Variants in COL25A1 observed in about 807,000 individuals in gnomAD.
COL25A1 encodes the protein collagen type XXV alpha 1 chain, also known as collagen alpha-1(XXV) chain.
Under a neutral mutation model 128.4 loss-of-function variants are expected in COL25A1, and 103 were observed. That is an observed-to-expected ratio of 0.80 (90% CI 0.68 to 0.94). The LOEUF (loss-of-function observed/expected upper bound fraction) is 0.94, where lower values mean the gene tolerates loss of function less well. Among genes scored for constraint, COL25A1 ranks in the 40% least tolerant of loss-of-function variants. The probability of loss-of-function intolerance (pLI) is 0.00; values close to 1 mark genes in which losing one functional copy is unlikely to be tolerated. For synonymous variants in COL25A1, 279 were observed against 277.2 expected, an observed-to-expected ratio of 1.01 and a Z score of -0.06; for missense variants, 745 against 840.0, an observed-to-expected ratio of 0.89 and a Z score of 1.40.
chr4:108,817,038 T>C (rs1266339988), intron 37 of COL25A1, among the ~76,000 whole-genome samples: 2 of 152,210 alleles, frequency 1.3e-5, no homozygotes, highest in African/African-American at 4.8e-5. Context: ...CCATGTATTA[T>C]CATGTTTGTC....
At chr4:108,898,906 G>A (rs1742468157) in intron 15 of COL25A1, among the ~76,000 whole-genome samples, 1 of 151,768 alleles carries the variant, frequency 6.6e-6, no homozygotes, top group Non-Finnish European at 1.5e-5. Flanking sequence ...CCAAATTTTT[G>A]TCTATACATA....
At chr4:108,962,899 T>C (rs573267088) in intron 8 of COL25A1, among the ~76,000 whole-genome samples, 9 of 152,308 alleles carry the variant, frequency 5.9e-5, no homozygotes, top group African/African-American at 1.9e-4. Flanking sequence ...CACTGTAGAA[T>C]TACATTTGAA....
intron 8 of COL25A1, among the ~76,000 whole-genome samples, chr4:108,967,240 T>A (rs921379911): frequency 1.3e-5 from 2 of 152,242 alleles, no homozygotes; most frequent in African/African-American, 4.8e-5. Flanking sequence ...TTTTAGGAAC[T>A]CAATTAAAGT....
At chr4:109,002,263 G>A (rs547306978) in intron 6 of COL25A1, among the ~76,000 whole-genome samples, 11 of 152,282 alleles carry the variant, frequency 7.2e-5, no homozygotes, top group African/African-American at 1.9e-4. Context: ...CTGCATGCAC[G>A]TGTTCATTGC....
rs1560988542 is a variant in COL25A1, at chr4:109,290,636, C to CT, written c.367+9946dup. On this transcript the variant is annotated intron_variant, in intron 3 of 37. Transcript: ENST00000399132. Reference sequence around the variant, plus strand: ...AAATACAGTTTGTTTAGTTAAGTCTCTTTTTTTGTAGTTTATAATAGCTTT... The same window carrying CT: ...AAATACAGTTTGTTTAGTTAAGTCTCTTTTTTTTGTAGTTTATAATAGCTTT... Among the ~76,000 whole-genome samples the CT allele has an allele frequency of 2.6e-5, 4 of 152,118 alleles. No individual in the cohort carries two copies. In the South Asian group the frequency reaches 8.3e-4, roughly 32 times the overall value.
At chr4:108,968,255 T>C (rs17039595) in intron 8 of COL25A1, among the ~76,000 whole-genome samples, 5,030 of 152,260 alleles carry the variant, frequency 0.033, 128 homozygotes, top group Middle Eastern at 0.065. Flanking sequence ...GCCGAAAAGT[T>C]AGCCCACTTT....
At chr4:109,152,303 C>T (rs549276403) in intron 3 of COL25A1, among the ~76,000 whole-genome samples, 1 of 152,240 alleles carries the variant, frequency 6.6e-6, no homozygotes, top group African/African-American at 2.4e-5. Flanking sequence ...TACTTGAATT[C>T]TGATGGGTTT....
rs552082701 is a variant in COL25A1, at chr4:108,926,404, A to T, written c.709-5800T>A. On this transcript the variant is annotated intron_variant, in intron 11 of 37. Transcript: ENST00000399132. ...CAAAAAAGAGGTGGTCCATCTGTGA[A>T]GGGGAGGATAAAAGCCCAAAACTAT... is the stretch of plus-strand genomic sequence containing the variant. Among the ~76,000 whole-genome samples the T allele has an allele frequency of 2.6e-4, 40 of 152,306 alleles. No homozygotes were observed. In the South Asian group the frequency reaches 8.3e-3, roughly 32 times the overall value.
chr4:109,202,019 T>C (rs1776593888), intron 3 of COL25A1, among the ~76,000 whole-genome samples: 1 of 152,068 alleles, frequency 6.6e-6, no homozygotes, highest in Non-Finnish European at 1.5e-5. Context: ...AACAGAAAAC[T>C]CAATATCCTT....
intron 8 of COL25A1, among the ~76,000 whole-genome samples, chr4:108,970,708 C>G (rs190639687): frequency 6.6e-6 from 1 of 152,234 alleles, no homozygotes; most frequent in African/African-American, 2.4e-5. Flanking sequence ...TCTCCTAAAA[C>G]CCTCCCCACC....
chr4:109,028,631 C>T (rs2125912029), intron 5 of COL25A1, among the ~76,000 whole-genome samples: 1 of 152,120 alleles, frequency 6.6e-6, no homozygotes, highest in Non-Finnish European at 1.5e-5. Flanking sequence ...GAGGCTGAGG[C>T]AGGAGAATTA....
chr4:108,897,272 T>G (rs1742253943), intron 15 of COL25A1, among the ~76,000 whole-genome samples: 1 of 152,232 alleles, frequency 6.6e-6, no homozygotes, highest in Non-Finnish European at 1.5e-5. Flanking sequence ...AATGAATGTT[T>G]TATGCTTTAC....
At chr4:108,830,768 C>G (rs952211034) in intron 32 of COL25A1, among the ~76,000 whole-genome samples, 5 of 152,280 alleles carry the variant, frequency 3.3e-5, no homozygotes, top group Non-Finnish European at 7.3e-5. Flanking sequence ...ATTTACCACA[C>G]GGTAAACCCT....
chr4:109,292,610 T>C (rs6811192), intron 3 of COL25A1, among the ~76,000 whole-genome samples: 42,596 of 151,812 alleles, frequency 0.28, 9,051 homozygotes, highest in African/African-American at 0.59. Context: ...AGACCGCTTA[T>C]CTGGGAAGAG....
At chr4:109,208,142 A>C (rs2126191513) in intron 3 of COL25A1, among the ~76,000 whole-genome samples, 1 of 152,346 alleles carries the variant, frequency 6.6e-6, no homozygotes, top group Non-Finnish European at 1.5e-5. Flanking sequence ...GCACAGGAAC[A>C]GCTAAAACAT....
intron 3 of COL25A1, among the ~76,000 whole-genome samples, chr4:109,279,603 C>T (rs951023618): frequency 2.0e-5 from 3 of 151,940 alleles, no homozygotes; most frequent in African/African-American, 7.3e-5. Flanking sequence ...AAAAAATATA[C>T]CTCCCTCATA....
rs556232213 is a variant in COL25A1, at chr4:108,892,792, T to C, written c.907-3059A>G. ...ATTATAAAGAGTGCTGTGGAGAATATAGCAGGTGACCTACCTAATCCAGAG... is the reference window on the plus strand; with the variant it reads ...ATTATAAAGAGTGCTGTGGAGAATACAGCAGGTGACCTACCTAATCCAGAG... On this transcript the variant is annotated intron_variant, in intron 16 of 37. Coordinates refer to ENST00000399132, the MANE Select transcript of COL25A1 (RefSeq NM_198721.4). Among the ~76,000 whole-genome samples, 20 of 152,282 alleles carry C rather than the reference T, an allele frequency of 1.3e-4. No homozygotes were observed. In the East Asian group the frequency reaches 2.9e-3, roughly 22 times the overall value.
chr4:108,869,991 A>G (rs1176051936), intron 19 of COL25A1, among the ~76,000 whole-genome samples: 1 of 152,172 alleles, frequency 6.6e-6, no homozygotes, highest in African/African-American at 2.4e-5. Flanking sequence ...TGTGGCTCAC[A>G]CCTGTAATCC....
At chr4:108,996,309 A>G (rs1292421881) in intron 6 of COL25A1, among the ~76,000 whole-genome samples, 2 of 148,914 alleles carry the variant, frequency 1.3e-5, no homozygotes, top group East Asian at 2.0e-4. Flanking sequence ...AAAAAAAAAA[A>G]AGGAGGGGTT....
Sources: gnomAD v4.1 joint callset for allele counts (sites outside exome capture counted in the v4.1 genomes callset) on GRCh38, gnomAD v4.1.1 for gene constraint, MANE v1.5 for transcripts, NCBI Gene and HGNC (gene_info 2026-07-23, HGNC 2026-07-21) for gene names.